CLNK: variants seen among roughly 807,000 people sequenced by gnomAD.
CLNK encodes cytokine dependent hematopoietic cell linker.
In CLNK, 74 loss-of-function variants were observed where a neutral mutation model predicts 68.6. The observed-to-expected ratio is 1.08, with a 90% CI of 0.89 to 1.31. CLNK has a LOEUF of 1.31. Ranked by LOEUF, CLNK falls within the 50% of genes most tolerant of loss-of-function variation. The pLI, the probability that CLNK is intolerant of heterozygous loss-of-function variation, is 0.00. For missense variants in CLNK, 553 were observed against 515.3 expected (o/e 1.07, Z -0.71); for synonymous variants, 198 against 172.2 (o/e 1.15, Z -1.17).
chr4:10,590,813 G>C (rs1275998971), intron 3 of CLNK, among the ~76,000 whole-genome samples: 1 of 152,114 alleles, frequency 6.6e-6, no homozygotes, highest in Non-Finnish European at 1.5e-5. Context: ...CACTGCATCT[G>C]GAACTGAGCA....
chr4:10,666,362 T>C (rs1342754508), intron 2 of CLNK, among the ~76,000 whole-genome samples: 1 of 152,216 alleles, frequency 6.6e-6, no homozygotes, highest in Admixed American at 6.5e-5. Flanking sequence ...GAAACTGCCA[T>C]TTGCCACGTT....
At chr4:10,524,395 T>A (rs1718216598) in intron 14 of CLNK, among the ~76,000 whole-genome samples, 1 of 152,180 alleles carries the variant, frequency 6.6e-6, no homozygotes, top group Non-Finnish European at 1.5e-5. Context: ...TGCCCTAAGT[T>A]TCTCATGTAA....
chr4:10,611,161 T>C (rs1032063009), intron 2 of CLNK, among the ~76,000 whole-genome samples: 1 of 152,026 alleles, frequency 6.6e-6, no homozygotes, highest in Non-Finnish European at 1.5e-5. Context: ...CTACTAAAAA[T>C]ACAAAAATTA....
At chr4:10,724,043 G>A in the CLNK span, among the ~76,000 whole-genome samples, 20 of 152,214 alleles carry the variant, frequency 1.3e-4, no homozygotes, top group African/African-American at 4.1e-4. Context: ...GATGCTTTGC[G>A]CGATATTTCA....
At chr4:10,576,955 G>A (rs991023124) in intron 4 of CLNK, among the ~76,000 whole-genome samples, 3 of 152,190 alleles carry the variant, frequency 2.0e-5, no homozygotes, top group African/African-American at 2.4e-5. Context: ...CCCCCATTTA[G>A]TGGCTTTGCA....
At chr4:10,515,722 A>G (rs1717808512) in intron 15 of CLNK, among the ~76,000 whole-genome samples, 1 of 152,210 alleles carries the variant, frequency 6.6e-6, no homozygotes, top group African/African-American at 2.4e-5. Flanking sequence ...ACACTTTTCT[A>G]CTGTGGTGGG....
At chr4:10,640,282 G>A (rs1050641350) in intron 2 of CLNK, among the ~76,000 whole-genome samples, 16 of 151,820 alleles carry the variant, frequency 1.1e-4, no homozygotes, top group African/African-American at 2.2e-4. Flanking sequence ...CTCCTGCCTT[G>A]GCCTCCCAAG....
the CLNK span, among the ~76,000 whole-genome samples, chr4:10,699,293 C>CACACACACCACATACGTGTGTAT: frequency 1.3e-3 from 20 of 15,680 alleles, no homozygotes; most frequent in South Asian, 8.2e-3. Context: ...TACGTGTATA[C>CACACACACCACATACGTGTGTAT]ACACACACAC....
chr4:10,726,224 C>A, the CLNK span, among the ~76,000 whole-genome samples: 1 of 152,134 alleles, frequency 6.6e-6, no homozygotes, highest in Non-Finnish European at 1.5e-5. Context: ...CGGGTTCAAG[C>A]GATTCTCCTG....
At chr4:10,543,443 G>A (rs893363035) in intron 8 of CLNK, among the ~76,000 whole-genome samples, 6 of 152,214 alleles carry the variant, frequency 3.9e-5, no homozygotes, top group African/African-American at 1.2e-4. Flanking sequence ...TTCCTCATTT[G>A]TGAGACAAGG....
intron 16 of CLNK, among the ~76,000 whole-genome samples, chr4:10,511,495 T>C (rs1042474252): frequency 6.6e-6 from 1 of 152,192 alleles, no homozygotes; most frequent in African/African-American, 2.4e-5. Context: ...AAACTCTGTA[T>C]CCATTAAAGA....
At chr4:10,711,507 T>C in the CLNK span, among the ~76,000 whole-genome samples, 7 of 152,336 alleles carry the variant, frequency 4.6e-5, no homozygotes, top group East Asian at 1.9e-4. Flanking sequence ...TAGAAACACA[T>C]AGTGTTTATG....
chr4:10,620,064 C>T (rs906105552), intron 2 of CLNK, among the ~76,000 whole-genome samples: 1 of 152,164 alleles, frequency 6.6e-6, no homozygotes, highest in African/African-American at 2.4e-5. Flanking sequence ...TTTCTCTGCT[C>T]TTCACGGCCA....
intron 5 of CLNK, among the ~76,000 whole-genome samples, chr4:10,571,335 T>A (rs1488012251): frequency 2.1e-5 from 3 of 141,238 alleles, no homozygotes; most frequent in Non-Finnish European, 3.1e-5. Context: ...GCTTTTTTTT[T>A]TTTTTTTTTT....
At chr4:10,538,546 T>C (rs994111221) in intron 11 of CLNK, among the ~76,000 whole-genome samples, 5 of 152,214 alleles carry the variant, frequency 3.3e-5, no homozygotes, top group Admixed American at 2.6e-4. Context: ...CATTTCCAAC[T>C]CTGATAACAC....
the CLNK span, among the ~76,000 whole-genome samples, chr4:10,703,796 T>C: frequency 6.6e-6 from 1 of 152,162 alleles, no homozygotes; most frequent in Non-Finnish European, 1.5e-5. Context: ...TGTAACACAA[T>C]AGTAAATATT....
intron 2 of CLNK, among the ~76,000 whole-genome samples, chr4:10,647,021 T>C (rs1462942488): frequency 1.3e-5 from 2 of 152,176 alleles, no homozygotes; most frequent in Admixed American, 6.5e-5. Context: ...TATACATCTC[T>C]ATCCTTGTGT....
intron 18 of CLNK, among the ~76,000 whole-genome samples, chr4:10,499,067 T>G (rs1716927902): frequency 6.8e-6 from 1 of 146,450 alleles, no homozygotes; most frequent in African/African-American, 2.5e-5. Context: ...CAGTACCAGC[T>G]CACATTCCTT....
chr4:10,574,397 G>A (rs1720472385), intron 4 of CLNK, among the ~76,000 whole-genome samples: 1 of 152,172 alleles, frequency 6.6e-6, no homozygotes, highest in Admixed American at 6.5e-5. Flanking sequence ...TGCTCAGTCA[G>A]TTTAGCCAGA....
Sources: allele counts gnomAD v4.1 joint callset (sites outside exome capture counted in the v4.1 genomes callset), GRCh38; gene constraint gnomAD v4.1.1; transcripts MANE v1.5; gene names NCBI Gene and HGNC (gene_info 2026-07-23, HGNC 2026-07-21).